MOB3B: variants seen among roughly 807,000 people sequenced by gnomAD.
MOB3B encodes MOB kinase activator 3B, also known as MOB kinase activator-like 2B.
A neutral mutation model predicts 18.7 loss-of-function variants in MOB3B; 7 were observed. The observed-to-expected ratio is 0.37, with a 90% confidence interval of 0.21 to 0.70. The LOEUF (loss-of-function observed/expected upper bound fraction) is 0.70, where lower values mean the gene tolerates loss of function less well. Ranked by LOEUF, MOB3B falls within the 30% of genes least tolerant of loss-of-function variation. MOB3B has a pLI of 0.52. For synonymous variants in MOB3B, 111 were observed against 99.9 expected, an observed-to-expected ratio of 1.11 and a Z score of -0.66; for missense variants, 253 against 281.3, an observed-to-expected ratio of 0.90 and a Z score of 0.72.
At chr9:27,483,479 AT>A (rs1426489287) in intron 1 of MOB3B, among the ~76,000 whole-genome samples, 1 of 152,140 alleles carries the variant, frequency 6.6e-6, no homozygotes, top group Non-Finnish European at 1.5e-5. Context: ...TTTCAATAAC[AT>A]TTTGTTTCAA....
chr9:27,451,566 T>C (rs1468568449), intron 2 of MOB3B, among the ~76,000 whole-genome samples: 1 of 152,202 alleles, frequency 6.6e-6, no homozygotes, highest in Non-Finnish European at 1.5e-5. Flanking sequence ...CTTTAATAGC[T>C]AACTAAGGAT....
At chr9:27,489,734 A>G (rs1257093741) in intron 1 of MOB3B, among the ~76,000 whole-genome samples, 1 of 9,886 alleles carries the variant, frequency 1.0e-4, no homozygotes, top group African/African-American at 1.5e-4. Flanking sequence ...CCAGATAAGG[A>G]AATAATCTTT....
At chr9:27,340,696 T>C (rs914685183) in intron 3 of MOB3B, among the ~76,000 whole-genome samples, 1 of 152,114 alleles carries the variant, frequency 6.6e-6, no homozygotes, top group African/African-American at 2.4e-5. Context: ...GGACAGGGGA[T>C]CCAACCTGAT....
At chr9:27,333,216 C>A (rs1820812701) in intron 3 of MOB3B, among the ~76,000 whole-genome samples, 1 of 152,028 alleles carries the variant, frequency 6.6e-6, no homozygotes, top group African/African-American at 2.4e-5. Context: ...CTCTTAAATT[C>A]ATAAAGGGAA....
chr9:27,455,302 G>A lies in MOB3B; in HGVS notation c.249C>T (p.Thr83=), dbSNP rs373449191. 1.2e-5 allele frequency: 20 copies of A among 1,613,918 alleles called. No individual in the cohort carries two copies. Among genetic ancestry groups the A allele is most frequent in the African/African-American group, 5.3e-5 (4 of 74,880 alleles). ...LIYGTICEFC[T]ERTCPVMSGG... is the part of the protein sequence containing the mutation. ...CTGACATCACAGGACAGGTCCGCTC[G>A]GTGCAGAACTCACAGATGGTGCCAT... Residue 83 remains threonine (T), a synonymous_variant, in exon 2 of 4, where the codon ACC becomes ACT. Coordinates refer to ENST00000262244, the MANE Select transcript of MOB3B (RefSeq NM_024761.5).
intron 2 of MOB3B, among the ~76,000 whole-genome samples, chr9:27,374,339 A>G (rs1184502580): frequency 6.6e-6 from 1 of 152,112 alleles, no homozygotes; most frequent in Non-Finnish European, 1.5e-5. Flanking sequence ...CACTTCCCAA[A>G]TAATATACCC....
At chr9:27,458,262 G>A (rs377257941) in intron 1 of MOB3B, among the ~76,000 whole-genome samples, 4 of 152,022 alleles carry the variant, frequency 2.6e-5, no homozygotes, top group Non-Finnish European at 5.9e-5. Context: ...TCAGCCAGGA[G>A]TGTCTGCTTG....
At chr9:27,399,421 G>GT (rs1821844360) in intron 2 of MOB3B, among the ~76,000 whole-genome samples, 1 of 152,198 alleles carries the variant, frequency 6.6e-6, no homozygotes, top group Non-Finnish European at 1.5e-5. Context: ...GACCATTATG[G>GT]CTTTGGGGCC....
rs752690041 is a variant in MOB3B at position 27,341,120 on chromosome 9, G to A, written c.622-10504C>T. Among the ~76,000 whole-genome samples the A allele has an allele frequency of 9.2e-5, 14 of 152,232 alleles. 1 individual carries two copies. The highest frequency in any genetic ancestry group is 1.6e-4 in the Non-Finnish European group (11 of 68,048). ...CTGTCATGTGGCCTTTCTATCAGGAGTGGGAGGGAAGGCACTGGCCGGTGA... is the reference window on the plus strand; with the variant it reads ...CTGTCATGTGGCCTTTCTATCAGGAATGGGAGGGAAGGCACTGGCCGGTGA... On this transcript the variant is annotated intron_variant, in intron 3 of 3. Coordinates refer to ENST00000262244, the MANE Select transcript of MOB3B (RefSeq NM_024761.5).
chr9:27,516,731 C>G (rs938441669), intron 1 of MOB3B, among the ~76,000 whole-genome samples: 3 of 152,140 alleles, frequency 2.0e-5, no homozygotes, highest in African/African-American at 7.2e-5. Flanking sequence ...TGACACAGAC[C>G]CACTTCATTC....
chr9:27,497,364 A>G (rs908225085), intron 1 of MOB3B, among the ~76,000 whole-genome samples: 1 of 152,144 alleles, frequency 6.6e-6, no homozygotes, highest in Non-Finnish European at 1.5e-5. Context: ...AAAATCATGG[A>G]GTATCCATAC....
chr9:27,435,713 C>T (rs1822490471), intron 2 of MOB3B, among the ~76,000 whole-genome samples: 1 of 152,182 alleles, frequency 6.6e-6, no homozygotes, highest in Non-Finnish European at 1.5e-5. Context: ...GATTCTTCTG[C>T]CTCAGCCTCC....
At chr9:27,400,734 G>A (rs186887676) in intron 2 of MOB3B, among the ~76,000 whole-genome samples, 8 of 152,176 alleles carry the variant, frequency 5.3e-5, no homozygotes, top group African/African-American at 1.7e-4. Flanking sequence ...ACATGAAAGG[G>A]ATGGCCACTG....
chr9:27,515,226 C>G (rs907357491), intron 1 of MOB3B, among the ~76,000 whole-genome samples: 2 of 152,152 alleles, frequency 1.3e-5, no homozygotes, highest in Admixed American at 6.5e-5. Flanking sequence ...ATTTCGTTAA[C>G]TAATCTTTGT....
intron 2 of MOB3B, among the ~76,000 whole-genome samples, chr9:27,372,259 C>A (rs954112381): frequency 6.6e-6 from 1 of 152,130 alleles, no homozygotes; most frequent in African/African-American, 2.4e-5. Context: ...ATGGCCCAAA[C>A]TGGAACAATC....
intron 2 of MOB3B, among the ~76,000 whole-genome samples, chr9:27,440,898 G>A (rs1822585100): frequency 6.6e-6 from 1 of 152,080 alleles, no homozygotes; most frequent in Non-Finnish European, 1.5e-5. Flanking sequence ...TCAGTTTTGT[G>A]GAAGACAATT....
intron 3 of MOB3B, among the ~76,000 whole-genome samples, chr9:27,342,649 G>A (rs987023414): frequency 2.6e-5 from 4 of 152,172 alleles, no homozygotes; most frequent in Admixed American, 6.5e-5. Flanking sequence ...GCATTTTTTG[G>A]TGGAGACGGG....
rs543835117 is a variant in MOB3B, at chr9:27,497,046, G to C, written c.-199+32509C>G. On this transcript the variant is annotated intron_variant, in intron 1 of 3. Coordinates refer to ENST00000262244, the MANE Select transcript of MOB3B (RefSeq NM_024761.5). The stretch of plus-strand genomic sequence containing the variant: ...TATATTCCAAGAAACTCCAGCAAGT[G>C]ATTAGTCTTCTTCATAGAGTAAAAA... Among the ~76,000 whole-genome samples the C allele has an allele frequency of 1.4e-4, 21 of 152,322 alleles. No homozygotes were observed. In the South Asian group the frequency reaches 4.4e-3, roughly 32 times the overall value.
At chr9:27,377,665 T>C (rs1177882767) in intron 2 of MOB3B, among the ~76,000 whole-genome samples, 1 of 152,250 alleles carries the variant, frequency 6.6e-6, no homozygotes, top group African/African-American at 2.4e-5. Flanking sequence ...GACCACACTT[T>C]TTATGCTAAA....
Sources: gnomAD v4.1 joint callset for allele counts (sites outside exome capture counted in the v4.1 genomes callset) on GRCh38, gnomAD v4.1.1 for gene constraint, MANE v1.5 for transcripts, NCBI Gene and HGNC (gene_info 2026-07-23, HGNC 2026-07-21) for gene names.